FTCD: variants seen among roughly 807,000 people sequenced by gnomAD.
FTCD encodes formimidoyltransferase-cyclodeaminase.
FTCD carries 76 observed loss-of-function variants against 62.9 expected under a neutral mutation model. The observed-to-expected ratio is 1.21, with a 90% CI of 1.00 to 1.46. The LOEUF (loss-of-function observed/expected upper bound fraction) is 1.46. FTCD is among the 40% of genes most tolerant of loss of function. The pLI is 0.00. For missense variants in FTCD, 845 were observed against 751.3 expected, an observed-to-expected ratio of 1.12 and a Z score of -1.46; for synonymous variants, 397 against 336.9, an observed-to-expected ratio of 1.18 and a Z score of -1.95.
intron 7 of FTCD, among the ~76,000 whole-genome samples, chr21:46,147,936 C>G (rs1213980943): frequency 7.2e-6 from 1 of 138,348 alleles, no homozygotes; most frequent in Non-Finnish European, 1.6e-5. Context: ...AAGTGAGGCT[C>G]CATCTCAAAA....
intron 8 of FTCD, 59 bp from the exon 9 acceptor site, chr21:46,146,006 T>A: frequency 9.3e-7 from 1 of 1,079,196 alleles, no homozygotes; most frequent in South Asian, 1.6e-5. Flanking sequence ...AGCGCAGTCC[T>A]CCCGGGGCGG....
At chr21:46,137,108 C>A (rs749904343) in intron 13 of FTCD, 35 bp from the exon 14 acceptor site, 3 of 1,613,260 alleles carry the variant, frequency 1.9e-6, no homozygotes, top group Non-Finnish European at 2.5e-6. Context: ...TCTGGTAGTT[C>A]CAGTCTTCAG....
intron 12 of FTCD, 74 bp from the exon 13 acceptor site, chr21:46,137,408 G>A (rs530638784): frequency 5.6e-5 from 65 of 1,160,272 alleles, no homozygotes; most frequent in South Asian, 2.9e-4. Flanking sequence ...TCTGCCTGAC[G>A]GGCTCTGGGA....
intron 12 of FTCD, 77 bp from the exon 13 acceptor site, chr21:46,137,411 C>T (rs887497734): frequency 1.1e-5 from 13 of 1,136,552 alleles, no homozygotes; most frequent in Non-Finnish European, 1.7e-5. Flanking sequence ...GCCTGACGGG[C>T]TCTGGGACAG....
chr21:46,146,152 G>A (rs943103654), intron 8 of FTCD, 114 bp downstream of exon 8: 9 of 834,114 alleles, frequency 1.1e-5, no homozygotes, highest in African/African-American at 6.8e-5. Context: ...GGCGCCCAAA[G>A]GGAGGCGCTG....
chr21:46,152,590 T>C (rs1360234548), intron 3 of FTCD: 1 of 282,364 alleles, frequency 3.5e-6, no homozygotes, highest in Non-Finnish European at 6.6e-6. Flanking sequence ...CTCTGTTTGT[T>C]TCATATCATT....
intron 9 of FTCD, 67 bp downstream of exon 9, chr21:46,145,751 G>GCGCCCTTCCCCCTCCC (rs2079127261): frequency 8.1e-6 from 2 of 246,260 alleles, no homozygotes; most frequent in Non-Finnish European, 1.3e-5. Context: ...CCCCCCAACA[G>GCGCCCTTCCCCCTCCC]CGCCCTTCCC....
chr21:46,141,692 C>T (rs780830136), intron 10 of FTCD, among the ~76,000 whole-genome samples: 6 of 150,862 alleles, frequency 4.0e-5, no homozygotes, highest in Non-Finnish European at 5.9e-5. Context: ...AAGCTGAGCC[C>T]AGAACAAGGC....
At chr21:46,143,552 A>G (rs2079064764) in intron 10 of FTCD, among the ~76,000 whole-genome samples, 1 of 152,234 alleles carries the variant, frequency 6.6e-6, no homozygotes. Flanking sequence ...TAACATTATA[A>G]TAATCTTTGC....
downstream of FTCD, chr21:46,136,262 T>C (rs2078865134): frequency 3.4e-6 from 2 of 591,516 alleles, no homozygotes; most frequent in East Asian, 5.6e-5. Flanking sequence ...GAGAGTATAG[T>C]GATTTGCTAA....
chr21:46,151,512 C>T, intron 5 of FTCD, 46 bp downstream of exon 5: 2 of 1,554,868 alleles, frequency 1.3e-6, no homozygotes, highest in Non-Finnish European at 1.8e-6. Flanking sequence ...CTAACCCTTT[C>T]CCGAGGGGCT....
chr21:46,154,298 G>A lies in FTCD; in HGVS notation c.89C>T (p.Thr30Ile), dbSNP rs748582192. The change falls in exon 2 of 14, where the codon ACC (threonine) becomes ATC (isoleucine). Residue 30 changes from threonine to isoleucine, a missense_variant. Coordinates refer to ENST00000397746, the MANE Select transcript of FTCD (RefSeq NM_206965.2). The stretch of plus-strand genomic sequence containing the variant: ...CACATCCAGCAGCACGCAGCCCGGG[G>A]TCTGTGTGATGGCTCCAGAGATGGC... ...IDAISGAITQ[T>I]PGCVLLDVDA... is the part of the protein sequence containing the mutation. 6.2e-7 allele frequency: 1 copy of A among 1,611,682 alleles called. No homozygotes were observed. Among genetic ancestry groups the A allele is most frequent in the African/African-American group, 1.3e-5 (1 of 75,022 alleles).
chr21:46,136,986 G>A lies in FTCD; in HGVS notation c.*1C>T, dbSNP rs144773622. 8.5e-4 allele frequency: 1,377 copies of A among 1,612,962 alleles called. 2 individuals carry two copies. Among genetic ancestry groups the A allele is most frequent in the Non-Finnish European group, 1.1e-3 (1,318 of 1,179,994 alleles). ...AGAGCCCGGAGAGGCCTCCCGCACC[G>A]TCACTCCTGCCGGGTCTCCAAGCAG... On this transcript the variant is annotated 3_prime_UTR_variant, in exon 14 of 14. Transcript: ENST00000397746.
chr21:46,151,482 C>T, intron 5 of FTCD, 76 bp downstream of exon 5: 1 of 1,374,632 alleles, frequency 7.3e-7, no homozygotes, highest in Non-Finnish European at 1.0e-6. Context: ...ACCGACCTCC[C>T]CGCCTGAGGC....
intron 7 of FTCD, among the ~76,000 whole-genome samples, chr21:46,148,526 G>T (rs1355767554): frequency 6.6e-6 from 1 of 152,158 alleles, no homozygotes; most frequent in African/African-American, 2.4e-5. Context: ...GGCTGAGGTG[G>T]GAAGATCACC....
chr21:46,142,060 G>C (rs1223393731), intron 10 of FTCD: 1 of 152,344 alleles, frequency 6.6e-6, no homozygotes, highest in Non-Finnish European at 1.5e-5. Context: ...GCGAAGGCGG[G>C]GTGAACCCCC....
intron 12 of FTCD, among the ~76,000 whole-genome samples, chr21:46,137,915 G>C (rs1037524342): frequency 2.6e-5 from 4 of 152,126 alleles, no homozygotes; most frequent in Non-Finnish European, 5.9e-5. Context: ...TGTTGTTTTT[G>C]ACCCAGGGTC....
chr21:46,145,873 C>G lies in FTCD; in HGVS notation c.1043G>C (p.Gly348Ala). The change falls in exon 9 of 14, where the codon GGT becomes GCT. Residue 348 changes from glycine (G) to alanine (A), a missense_variant. Coordinates refer to ENST00000397746, the MANE Select transcript of FTCD (RefSeq NM_206965.2). ...KSLRAFVGEV[G>A]ARSAAPGGGS... ...GCCCCCGGGGGCCGCAGAGCGGGCA[C>G]CCACCTCCCCCACGAAGGCGCGCAG... The G allele has an allele frequency of 7.1e-7, 1 of 1,403,744 alleles. No homozygotes were observed. The highest frequency in any genetic ancestry group is 9.2e-7 in the Non-Finnish European group (1 of 1,087,190). 87.0% of individuals were successfully genotyped at this position (1,403,744 alleles called of 1,614,324 possible).
intron 1 of FTCD, 98 bp from the exon 2 acceptor site, chr21:46,154,430 G>A: frequency 2.1e-6 from 3 of 1,402,700 alleles, no homozygotes; most frequent in East Asian, 2.5e-5. Flanking sequence ...AATGGGGGCT[G>A]AGGAGGCGGG....
Sources: gnomAD v4.1 joint callset for allele counts (sites outside exome capture counted in the v4.1 genomes callset) on GRCh38, gnomAD v4.1.1 for gene constraint, MANE v1.5 for transcripts, NCBI Gene and HGNC (gene_info 2026-07-23, HGNC 2026-07-21) for gene names.